Variants in F8 observed in about 807,000 individuals in gnomAD.
F8 encodes the protein coagulation factor VIII.
Under a neutral mutation model 140.6 loss-of-function variants are expected in F8, and 12 were observed. That is an observed-to-expected ratio of 0.09 (90% CI 0.05 to 0.14). F8 has a LOEUF of 0.14. Among genes scored for constraint, F8 ranks in the 10% least tolerant of loss-of-function variants. The probability of loss-of-function intolerance (pLI) is 1.00; values close to 1 mark genes in which losing one functional copy is unlikely to be tolerated. For missense variants in F8, 1,354 were observed against 1,720.7 expected (o/e 0.79, Z 3.77); for synonymous variants, 585 against 614.6 (o/e 0.95, Z 0.71).
At chrX:154,935,191 T>C (rs1259295237) in intron 13 of F8, among the ~76,000 whole-genome samples, 2 of 110,123 alleles carry the variant, frequency 1.8e-5, no homozygotes, top group Non-Finnish European at 3.8e-5. Context: ...CAAAAACGAA[T>C]AAAAGAAGAG....
At chrX:154,907,055 G>A (rs1260436268) in intron 14 of F8, among the ~76,000 whole-genome samples, 3 of 111,691 alleles carry the variant, frequency 2.7e-5, no homozygotes, top group African/African-American at 9.8e-5. Flanking sequence ...CAACCCACAA[G>A]ACTCACTGGA....
At chrX:154,982,045 G>C (rs781804747) in intron 6 of F8, among the ~76,000 whole-genome samples, 2 of 109,560 alleles carry the variant, frequency 1.8e-5, no homozygotes, top group Admixed American at 2.0e-4. Flanking sequence ...TTAGGTGGGC[G>C]TGGTGGCACA....
chrX:154,965,894 T>C, intron 9 of F8, 76 bp downstream of exon 9: 1 of 985,107 alleles, frequency 1.0e-6, no homozygotes, highest in Admixed American at 2.3e-5. Flanking sequence ...AAGGCTGAAT[T>C]ATGAGGTATT....
chrX:154,853,761 T>C (rs1245398199), intron 25 of F8, among the ~76,000 whole-genome samples: 1 of 111,891 alleles, frequency 8.9e-6, no homozygotes, highest in Non-Finnish European at 1.9e-5. Context: ...TCTTCCTTTT[T>C]ATATTTGCTC....
intron 22 of F8, among the ~76,000 whole-genome samples, chrX:154,868,748 T>C (rs1557273319): frequency 9.0e-5 from 10 of 111,332 alleles, no homozygotes; most frequent in Non-Finnish European, 1.9e-5. Flanking sequence ...AGACACAGAC[T>C]GGCAAATTGG....
At chrX:154,913,266 T>TA (rs201099160) in intron 14 of F8, among the ~76,000 whole-genome samples, 25 of 109,501 alleles carry the variant, frequency 2.3e-4, no homozygotes, top group African/African-American at 8.1e-4. Context: ...TGTTTTTTTT[T>TA]AAAAAATCTC....
chrX:154,846,730 T>G (rs963724435), intron 25 of F8, among the ~76,000 whole-genome samples: 44 of 112,229 alleles, frequency 3.9e-4, no homozygotes, highest in African/African-American at 1.4e-3. Flanking sequence ...GTCTTGACTC[T>G]TTATCCAATG....
chrX:155,012,177 T>C (rs979088569), intron 1 of F8, among the ~76,000 whole-genome samples: 9 of 112,135 alleles, frequency 8.0e-5, no homozygotes, highest in African/African-American at 2.6e-4. Context: ...AATGTGGAGA[T>C]TTAGGAAAGG....
chrX:154,897,636 C>T (rs2072989016), intron 21 of F8: 1 of 112,102 alleles, frequency 8.9e-6, no homozygotes, highest in Non-Finnish European at 1.9e-5. Context: ...TCATTTTAAC[C>T]TCTTGGTATT....
chrX:154,863,207 A>G lies in F8; in HGVS notation c.6450T>C (p.Asp2150=), dbSNP rs2072707252. 3 of 1,209,390 alleles carry G rather than the reference A, an allele frequency of 2.5e-6. No individual in the cohort carries two copies. The highest frequency in any genetic ancestry group is 3.4e-6 in the Non-Finnish European group (3 of 894,282). The change falls in exon 23 of 26, where the codon GAT becomes GAC. Residue 2150 remains aspartate, a synonymous_variant. Coordinates refer to ENST00000360256, the MANE Select transcript of F8 (RefSeq NM_000132.4). ...GTLMVFFGNV[D]SSGIKHNIFN... ...AAATATTGTGTTTTATCCCAGATGA[A>G]TCCACATTGCCAAAGAAGACCTGTA... is the stretch of plus-strand genomic sequence containing the variant.
chrX:154,849,627 T>C (rs1298982893), intron 25 of F8, among the ~76,000 whole-genome samples: 1 of 111,135 alleles, frequency 9.0e-6, no homozygotes, highest in Non-Finnish European at 1.9e-5. Context: ...AATCTTTGTC[T>C]TTTAACTGAA....
At chrX:154,896,773 T>C (rs1461493408) in intron 21 of F8, among the ~76,000 whole-genome samples, 3 of 112,210 alleles carry the variant, frequency 2.7e-5, no homozygotes, top group Non-Finnish European at 3.8e-5. Context: ...AATTTAGTGC[T>C]GCTTCTTCTA....
chrX:154,939,254 TC>T (rs1374750225), intron 13 of F8, among the ~76,000 whole-genome samples: 5 of 112,115 alleles, frequency 4.5e-5, no homozygotes, highest in Non-Finnish European at 7.5e-5. Context: ...GTCAGGGAAT[TC>T]CCTTTCCTAG....
intron 2 of F8, 27 bp from the exon 3 acceptor site, chrX:154,997,122 G>T (rs782217691): frequency 2.5e-6 from 3 of 1,210,090 alleles, no homozygotes; most frequent in Non-Finnish European, 3.4e-6. Flanking sequence ...TCCGCCAAAG[G>T]TTACTTGGGG....
chrX:154,861,969 C>T, intron 23 of F8, 103 bp from the exon 24 acceptor site: 1 of 903,220 alleles, frequency 1.1e-6, no homozygotes, highest in Non-Finnish European at 1.6e-6. Context: ...ATCATAATAT[C>T]ATTTCTCAGG....
At chrX:154,980,197 G>A (rs1013459535) in intron 6 of F8, among the ~76,000 whole-genome samples, 26 of 111,490 alleles carry the variant, frequency 2.3e-4, no homozygotes, top group African/African-American at 8.5e-4. Context: ...GATGCATCTA[G>A]TCAACCATCC....
intron 1 of F8, among the ~76,000 whole-genome samples, chrX:155,006,025 AG>A (rs1392359443): frequency 8.9e-6 from 1 of 112,396 alleles, no homozygotes; most frequent in Non-Finnish European, 1.9e-5. Context: ...AAGAAAAAAA[AG>A]AGAGAAAAAA....
At chrX:154,843,887 T>G in intron 25 of F8, among the ~76,000 whole-genome samples, 1 of 111,241 alleles carries the variant, frequency 9.0e-6, no homozygotes. Flanking sequence ...CTGAATGGTA[T>G]TGCCTAGGTT....
chrX:154,986,700 T>C (rs782685973), intron 5 of F8, among the ~76,000 whole-genome samples: 13 of 110,998 alleles, frequency 1.2e-4, no homozygotes, highest in Middle Eastern at 4.6e-3. Flanking sequence ...AAGATGGCAA[T>C]GTAAATTGAT....
Sources: gnomAD v4.1 joint callset for allele counts (sites outside exome capture counted in the v4.1 genomes callset) on GRCh38, gnomAD v4.1.1 for gene constraint, MANE v1.5 for transcripts, NCBI Gene and HGNC (gene_info 2026-07-23, HGNC 2026-07-21) for gene names.